The following CD36 variants were observed in gnomAD, a reference collection of about 807,000 sequenced individuals.
The protein encoded by CD36 is CD36 molecule (CD36 blood group).
A neutral mutation model predicts 55.2 loss-of-function variants in CD36; 119 were observed. The ratio of observed to expected loss-of-function variants is 2.15; its 90% CI spans 1.86 to 2.51. The LOEUF is 2.51. CD36 is among the 30% of genes most tolerant of loss of function. The pLI, the probability that CD36 is intolerant of heterozygous loss-of-function variation, is 0.00. For synonymous variants in CD36, 186 were observed against 193.6 expected (o/e 0.96, Z 0.33); for missense variants, 819 against 555.5 (o/e 1.47, Z -4.77).
At chr7:80,644,563 GA>G (rs1795020747) in intron 1 of CD36, among the ~76,000 whole-genome samples, 1 of 152,106 alleles carries the variant, frequency 6.6e-6, no homozygotes. Context: ...CATTTTGGGG[GA>G]AAATATCATT....
In CD36 at chr7:80,646,681, A is replaced by G. The variant is rs1795189837; in HGVS notation, c.-60A>G. ...AGAGCTTGTAGAAACCACTTTAATC[A>G]TATCCAGGAGTTTGCAAGAAACAGG... On this transcript the variant is annotated 5_prime_UTR_variant, in exon 3 of 15. Transcript: ENST00000447544. The G allele has an allele frequency of 1.2e-6, 2 of 1,606,820 alleles. No homozygotes were observed. Among genetic ancestry groups the G allele is most frequent in the Non-Finnish European group, 1.7e-6 (2 of 1,173,804 alleles).
intron 11 of CD36, 103 bp downstream of exon 11, chr7:80,672,143 TTTATTGAATCACATTC>T: frequency 1.0e-6 from 1 of 968,512 alleles, no homozygotes; most frequent in Non-Finnish European, 1.6e-6. Context: ...AATAATCATA[TTTATTGAATCACATTC>T]TTGAAAGTTA....
intron 5 of CD36, 150 bp from the exon 6 acceptor site, chr7:80,662,840 T>C: frequency 1.5e-6 from 1 of 677,214 alleles, no homozygotes; most frequent in Non-Finnish European, 2.6e-6. Flanking sequence ...ATTAGACGAA[T>C]TGCATTTTGA....
At chr7:80,670,435 C>A (rs940068018) in intron 9 of CD36, 3 of 233,102 alleles carry the variant, frequency 1.3e-5, no homozygotes, top group African/African-American at 7.0e-5. Flanking sequence ...AGACTGTATG[C>A]TTGTGGGTAG....
chr7:80,661,993 T>C (rs1171017777), intron 5 of CD36, among the ~76,000 whole-genome samples: 1 of 152,184 alleles, frequency 6.6e-6, no homozygotes, highest in Non-Finnish European at 1.5e-5. Context: ...CGGGCATTTA[T>C]GTGGATGAAG....
At chr7:80,672,483 G>A (rs1797789775) in intron 11 of CD36, among the ~76,000 whole-genome samples, 1 of 151,656 alleles carries the variant, frequency 6.6e-6, no homozygotes, top group African/African-American at 2.4e-5. Flanking sequence ...GGAATTATCT[G>A]AGATCTTATA....
At chr7:80,621,184 T>A (rs1287995481) in intron 1 of CD36, among the ~76,000 whole-genome samples, 1 of 152,166 alleles carries the variant, frequency 6.6e-6, no homozygotes, top group East Asian at 1.9e-4. Context: ...TTAAAGTATG[T>A]ACATTTTTTA....
At chr7:80,667,747 G>GTTTTGTTTTTTTTTTTTTTTT (rs1554344726) in intron 8 of CD36, among the ~76,000 whole-genome samples, 1 of 82,636 alleles carries the variant, frequency 1.2e-5, no homozygotes, top group African/African-American at 4.2e-5. Context: ...GTTTTCTTTT[G>GTTTTGTTTTTTTTTTTTTTTT]TTTTTTTTTT....
At chr7:80,631,023 T>C (rs1437140808) in intron 1 of CD36, among the ~76,000 whole-genome samples, 1 of 152,010 alleles carries the variant, frequency 6.6e-6, no homozygotes, top group Non-Finnish European at 1.5e-5. Context: ...TGAGAGACCT[T>C]GGGCTCCAAA....
chr7:80,616,473 ACG>A (rs1383850722), intron 1 of CD36, among the ~76,000 whole-genome samples: 1 of 134,466 alleles, frequency 7.4e-6, no homozygotes, highest in East Asian at 2.3e-4. Context: ...ACACACACAC[ACG>A]CAATTTGAGC....
At chr7:80,672,570 C>A (rs1312186377) in intron 11 of CD36, among the ~76,000 whole-genome samples, 200 bp from the exon 12 acceptor site, 1 of 151,282 alleles carries the variant, frequency 6.6e-6, no homozygotes, top group South Asian at 2.1e-4. Context: ...CCTTGACATT[C>A]GATTGGGCAA....
At chr7:80,640,306 AATAT>A (rs1794720254) in intron 1 of CD36, among the ~76,000 whole-genome samples, 1 of 152,026 alleles carries the variant, frequency 6.6e-6, no homozygotes, top group African/African-American at 2.4e-5. Context: ...ACTTTTGTAA[AATAT>A]ACACATTTAT....
chr7:80,670,890 CT>C (rs1028107193), intron 9 of CD36, 86 bp from the exon 10 acceptor site: 2 of 947,780 alleles, frequency 2.1e-6, no homozygotes, highest in African/African-American at 3.3e-5. Context: ...TATGATGTTT[CT>C]AAGTTAAAAC....
chr7:80,648,194 A>T (rs558048285), intron 3 of CD36, among the ~76,000 whole-genome samples: 1 of 152,230 alleles, frequency 6.6e-6, no homozygotes, highest in South Asian at 2.1e-4. Context: ...TGTGGGGCTT[A>T]TCTAATAGTG....
At chr7:80,634,165 A>G (rs1309926138), upstream of CD36, among the ~76,000 whole-genome samples, 3 of 152,086 alleles carry the variant, frequency 2.0e-5, no homozygotes, top group Non-Finnish European at 1.5e-5. Flanking sequence ...AGTCATCTAA[A>G]GAGCCTAGTA....
intron 1 of CD36, among the ~76,000 whole-genome samples, chr7:80,605,395 TGTTA>T (rs1792486264): frequency 6.6e-6 from 1 of 152,132 alleles, no homozygotes; most frequent in African/African-American, 2.4e-5. Flanking sequence ...AAACAAAAAC[TGTTA>T]GTTAATGGTG....
chr7:80,663,122 A>G lies in CD36; in HGVS notation c.562A>G (p.Ser188Gly). ...ATGGGGCTATAGGGATCCATTTTTGAGTTTGGTTCCGTACCCTGTTACTAC... is the reference window on the plus strand; with the variant it reads ...ATGGGGCTATAGGGATCCATTTTTGGGTTTGGTTCCGTACCCTGTTACTAC... ...LLWGYRDPFL[S>G]LVPYPVTTTV... Residue 188 changes from serine to glycine, a missense_variant, in exon 6 of 15, where the codon AGT becomes GGT. By Grantham distance (56) the Ser-to-Gly change is moderately conservative (BLOSUM62 0). Transcript: ENST00000447544. 4 of 1,613,786 alleles carry G rather than the reference A, an allele frequency of 2.5e-6. No homozygotes were observed. Among genetic ancestry groups the G allele is most frequent in the Non-Finnish European group, 2.5e-6 (3 of 1,179,830 alleles).
chr7:80,667,512 G>GAAA lies in CD36; in HGVS notation c.748+1024_748+1026dup, dbSNP rs1797207275. 2.0e-5 allele frequency among the ~76,000 whole-genome samples: 3 copies of GAAA among 150,812 alleles called. No homozygotes were observed. In the South Asian group the frequency reaches 6.2e-4, roughly 31 times the overall value. On this transcript the variant is annotated intron_variant, in intron 8 of 14. Coordinates refer to ENST00000447544, the MANE Select transcript of CD36 (RefSeq NM_001001548.3). ...CCAGAGGCAAGCTTTCAACTACTAGGAAACAAAAGCATGAAGTTTAGAAAA... is the reference window on the plus strand; with the variant it reads ...CCAGAGGCAAGCTTTCAACTACTAGGAAAAAACAAAAGCATGAAGTTTAGAAAA...
intron 1 of CD36, chr7:80,625,066 G>T (rs1055450904): frequency 6.6e-6 from 1 of 152,054 alleles, no homozygotes; most frequent in Non-Finnish European, 1.5e-5. Flanking sequence ...CATTGTATTG[G>T]CTTGGGCTAG....
Sources: gnomAD v4.1 joint callset for allele counts (sites outside exome capture counted in the v4.1 genomes callset) on GRCh38, gnomAD v4.1.1 for gene constraint, MANE v1.5 for transcripts, NCBI Gene and HGNC (gene_info 2026-07-23, HGNC 2026-07-21) for gene names.